LIFR: variants seen among roughly 807,000 people sequenced by gnomAD.
The protein encoded by LIFR is leukemia inhibitory factor receptor.
In LIFR, 84 loss-of-function variants were observed where a neutral mutation model predicts 122.2. The ratio of observed to expected loss-of-function variants is 0.69; its 90% CI spans 0.58 to 0.82. LIFR has a LOEUF of 0.82. Ranked by LOEUF, LIFR falls within the 40% of genes least tolerant of loss-of-function variation. The pLI is 0.00. For missense variants in LIFR, 1,294 were observed against 1,311.6 expected (o/e 0.99, Z 0.21); for synonymous variants, 422 against 434.7 (o/e 0.97, Z 0.36).
In LIFR at chr5:38,532,073, G is replaced by A. The variant is rs568709498; in HGVS notation, c.-19-1407C>T. ...ACTGTACAAGAATAACTGAGTAATGGAGCCAAACATGACCCTAAAACTCAA... is the reference window on the plus strand; with the variant it reads ...ACTGTACAAGAATAACTGAGTAATGAAGCCAAACATGACCCTAAAACTCAA... On this transcript the variant is annotated intron_variant, in intron 1 of 19. Transcript: ENST00000453190. 9.2e-5 allele frequency among the ~76,000 whole-genome samples: 14 copies of A among 152,222 alleles called. No homozygotes were observed. In the South Asian group the frequency reaches 2.9e-3, roughly 32 times the overall value.
chr5:38,499,381 G>A, intron 12 of LIFR, 132 bp downstream of exon 12: 1 of 693,130 alleles, frequency 1.4e-6, no homozygotes, highest in Non-Finnish European at 2.6e-6. Flanking sequence ...TAGGAACCAG[G>A]TTAGATTCTC....
At chr5:38,563,638 T>A (rs1216532811) in intron 1 of LIFR, among the ~76,000 whole-genome samples, 4 of 152,218 alleles carry the variant, frequency 2.6e-5, no homozygotes, top group Non-Finnish European at 5.9e-5. Flanking sequence ...ACATTGAACA[T>A]TTATTAAGCA....
At chr5:38,585,166 A>C (rs1749707023) in intron 1 of LIFR, among the ~76,000 whole-genome samples, 1 of 152,220 alleles carries the variant, frequency 6.6e-6, no homozygotes, top group Admixed American at 6.5e-5. Context: ...AAATAAAGAG[A>C]ATTTAAGTTG....
intron 1 of LIFR, among the ~76,000 whole-genome samples, chr5:38,531,574 G>A (rs1192973236): frequency 7.1e-6 from 1 of 140,006 alleles, no homozygotes; most frequent in Non-Finnish European, 1.6e-5. Context: ...CAATGAAAAA[G>A]GAATAACAGG....
At chr5:38,540,806 C>T (rs923734398) in intron 1 of LIFR, among the ~76,000 whole-genome samples, 3 of 151,232 alleles carry the variant, frequency 2.0e-5, no homozygotes, top group Admixed American at 6.6e-5. Context: ...GTGGGCCAAA[C>T]AAAATACATT....
intron 1 of LIFR, among the ~76,000 whole-genome samples, chr5:38,568,373 C>A (rs1171163585): frequency 1.3e-5 from 2 of 152,030 alleles, no homozygotes; most frequent in African/African-American, 4.8e-5. Flanking sequence ...TCTGGGGGAC[C>A]AACAGGCACA....
At chr5:38,521,724 G>A (rs12055341) in intron 5 of LIFR, among the ~76,000 whole-genome samples, 46,539 of 151,996 alleles carry the variant, frequency 0.31, 7,427 homozygotes, top group East Asian at 0.42. Flanking sequence ...TGGGTCTTGA[G>A]CAGTGCACTC....
chr5:38,604,412 C>T (rs3110964), intron 2 of LIFR, among the ~76,000 whole-genome samples: 90,307 of 151,970 alleles, frequency 0.59, 26,860 homozygotes, highest in Non-Finnish European at 0.6. Flanking sequence ...ATTTAGAAAG[C>T]TTATTTTGCC....
intron 12 of LIFR, among the ~76,000 whole-genome samples, chr5:38,498,319 G>C (rs1188799109): frequency 6.6e-6 from 1 of 152,168 alleles, no homozygotes; most frequent in African/African-American, 2.4e-5. Context: ...CTCCTCTGCT[G>C]GTTCCTCCTC....
chr5:38,544,142 C>T (rs375282127), intron 1 of LIFR, among the ~76,000 whole-genome samples: 9 of 152,112 alleles, frequency 5.9e-5, no homozygotes, highest in African/African-American at 2.2e-4. Context: ...CCAAATTAAG[C>T]GCACCAACCT....
chr5:38,487,418 A>G (rs1744346217), intron 16 of LIFR, among the ~76,000 whole-genome samples: 1 of 152,178 alleles, frequency 6.6e-6, no homozygotes. Flanking sequence ...GTCTATTGCC[A>G]TTATTATTCC....
chr5:38,552,850 C>T (rs952084181), intron 1 of LIFR, among the ~76,000 whole-genome samples: 1 of 152,314 alleles, frequency 6.6e-6, no homozygotes, highest in Non-Finnish European at 1.5e-5. Flanking sequence ...AAGATTATTT[C>T]GTAAATTCTC....
intron 1 of LIFR, among the ~76,000 whole-genome samples, chr5:38,585,674 T>A (rs367983894): frequency 6.6e-6 from 1 of 152,188 alleles, no homozygotes; most frequent in East Asian, 1.9e-4. Context: ...GGACACACAG[T>A]CATTCAGAGT....
At chr5:38,540,616 CCTT>C (rs1186649541) in intron 1 of LIFR, among the ~76,000 whole-genome samples, 2 of 152,174 alleles carry the variant, frequency 1.3e-5, no homozygotes, top group Non-Finnish European at 2.9e-5. Flanking sequence ...CTCGCCAGCT[CCTT>C]GTGTCTGTAT....
chr5:38,605,556 A>G (rs1373614877), intron 2 of LIFR, among the ~76,000 whole-genome samples: 1 of 152,206 alleles, frequency 6.6e-6, no homozygotes, highest in Non-Finnish European at 1.5e-5. Context: ...TGGGACCCCC[A>G]AATCACAAAG....
chr5:38,564,967 G>A (rs185621415), intron 1 of LIFR, among the ~76,000 whole-genome samples: 3 of 151,804 alleles, frequency 2.0e-5, no homozygotes, highest in African/African-American at 7.3e-5. Flanking sequence ...TAGAGACAGG[G>A]TTTCGCCACA....
intron 1 of LIFR, among the ~76,000 whole-genome samples, chr5:38,574,622 A>G (rs1749323372): frequency 6.6e-6 from 1 of 152,210 alleles, no homozygotes; most frequent in Non-Finnish European, 1.5e-5. Flanking sequence ...CACCTCAGTT[A>G]CACAGTCAAA....
intron 18 of LIFR, 144 bp from the exon 19 acceptor site, chr5:38,482,811 C>A: frequency 2.2e-6 from 1 of 460,194 alleles, no homozygotes; most frequent in Non-Finnish European, 3.8e-6. Flanking sequence ...TTAGTGTGAT[C>A]ATTCACTACA....
At chr5:38,489,020 GT>G (rs1296456569) in intron 16 of LIFR, 57 bp downstream of exon 16, 2 of 1,438,578 alleles carry the variant, frequency 1.4e-6, no homozygotes, top group African/African-American at 2.8e-5. Flanking sequence ...TTTTTTTTCT[GT>G]TGTGGTTAAT....
Sources: allele counts gnomAD v4.1 joint callset (sites outside exome capture counted in the v4.1 genomes callset), GRCh38; gene constraint gnomAD v4.1.1; transcripts MANE v1.5; gene names NCBI Gene and HGNC (gene_info 2026-07-23, HGNC 2026-07-21).